ZFHX3: variants seen among roughly 807,000 people sequenced by gnomAD.
The protein encoded by ZFHX3 is zinc finger homeobox protein 3.
A neutral mutation model predicts 279.1 loss-of-function variants in ZFHX3; 42 were observed. That is an observed-to-expected ratio of 0.15 (90% confidence interval 0.12 to 0.19). The LOEUF (loss-of-function observed/expected upper bound fraction) is 0.19. ZFHX3 is among the 10% of genes least tolerant of loss of function. ZFHX3 has a pLI of 1.00. For missense variants in ZFHX3, 4,981 were observed against 4,754.0 expected (o/e 1.05, Z -1.40); for synonymous variants, 2,293 against 1,957.8 (o/e 1.17, Z -4.52).
chr16:73,767,252 A>T (rs1479453465), intron 1 of ZFHX3, among the ~76,000 whole-genome samples: 4 of 152,064 alleles, frequency 2.6e-5, no homozygotes, highest in Admixed American at 1.3e-4. Flanking sequence ...CACTACTTTT[A>T]ATGGCAGAAA....
intron 3 of ZFHX3, among the ~76,000 whole-genome samples, chr16:73,383,913 G>C (rs545732845): frequency 6.6e-6 from 1 of 152,332 alleles, no homozygotes; most frequent in East Asian, 1.9e-4. Flanking sequence ...CTTCCAAAGA[G>C]TATCTGCCAT....
chr16:73,672,056 A>T (rs1184737474), intron 2 of ZFHX3, among the ~76,000 whole-genome samples: 1 of 152,102 alleles, frequency 6.6e-6, no homozygotes, highest in Non-Finnish European at 1.5e-5. Flanking sequence ...AAAAAAATAC[A>T]TAAAAGGAAA....
chr16:73,612,984 C>A (rs2052262810), intron 2 of ZFHX3, among the ~76,000 whole-genome samples: 1 of 151,920 alleles, frequency 6.6e-6, no homozygotes, highest in South Asian at 2.1e-4. Context: ...ATTATTCATT[C>A]TGAGAGAAAA....
intron 1 of ZFHX3, among the ~76,000 whole-genome samples, chr16:72,960,511 T>C (rs941236610): frequency 1.3e-5 from 2 of 152,142 alleles, no homozygotes; most frequent in African/African-American, 4.8e-5. Context: ...TTTGCCAGCA[T>C]AGCTTCGATG....
At chr16:73,634,322 T>C (rs1237206367) in intron 2 of ZFHX3, among the ~76,000 whole-genome samples, 1 of 151,592 alleles carries the variant, frequency 6.6e-6, no homozygotes, top group Non-Finnish European at 1.5e-5. Flanking sequence ...TATAAGTCGA[T>C]GTGACTTATA....
At chr16:73,372,073 T>G (rs1004472116) in intron 3 of ZFHX3, among the ~76,000 whole-genome samples, 4 of 152,236 alleles carry the variant, frequency 2.6e-5, no homozygotes, top group Admixed American at 2.6e-4. Flanking sequence ...TAAAAGTCTA[T>G]GTACACAATG....
At chr16:73,122,565 T>C (rs1966513154) in intron 7 of ZFHX3, among the ~76,000 whole-genome samples, 1 of 152,076 alleles carries the variant, frequency 6.6e-6, no homozygotes, top group South Asian at 2.1e-4. Flanking sequence ...GGTCAAGTCT[T>C]TTGGCTGTGT....
Position 73,464,624 on chromosome 16 carries a change from C to T in ZFHX3, c.-1546-8366G>A, listed in dbSNP as rs561392344. Reference sequence around the variant, plus strand: ...GGGGGGGAGAGGGGAAAACACAACACGAGCATGTGTTTCTTTTAGAGGAGA... The same window carrying T: ...GGGGGGGAGAGGGGAAAACACAACATGAGCATGTGTTTCTTTTAGAGGAGA... On this transcript the variant is annotated intron_variant, in intron 2 of 17. Coordinates refer to the ZFHX3 transcript ENST00000641206. Among the ~76,000 whole-genome samples, 5 of 151,768 alleles carry T rather than the reference C, an allele frequency of 3.3e-5. No homozygotes were observed. In the South Asian group the frequency reaches 1.0e-3, roughly 32 times the overall value.
At position 72,793,899 on chromosome 16, in the gene ZFHX3, G is replaced by C. The variant is rs751082018; in HGVS notation, c.8783C>G (p.Pro2928Arg). The C allele has an allele frequency of 6.2e-6, 10 of 1,614,222 alleles. No homozygotes were observed. The highest frequency in any genetic ancestry group is 7.6e-6 in the Non-Finnish European group (9 of 1,180,038). The change falls in exon 9 of 10, where the codon CCT (proline) becomes CGT (arginine). Residue 2928 changes from proline (P) to arginine (R), a missense_variant. Pro to Arg is a moderately radical substitution (Grantham distance 103). Around this residue, in one of 7 missense-constraint regions of ZFHX3, gnomAD observed 168 missense variants for 249.1 expected, o/e 0.67. Transcript: ENST00000268489. This position sits in a 1 kb window ranked among gnomAD's most constrained non-coding sequence, Gnocchi z 4.3. The part of the protein sequence containing the change: ...SSLADPCSPS[P>R]GASGSAGKSG... ...TTTGCCTGCAGATCCACTCGCACCA[G>C]GACTCGGGGAGCAGGGATCTGCAAG...
rs532887714 is a variant in ZFHX3, at chr16:73,454,313, T to A, written c.-1291+1690A>T. On this transcript the variant is annotated intron_variant, in intron 3 of 17. Coordinates refer to the ZFHX3 transcript ENST00000641206. Reference sequence around the variant, plus strand: ...AGAGAAAATCCAGACAGAACCATGTTCCACCCGGATCTCTTTTACAGATGA... The same window carrying A: ...AGAGAAAATCCAGACAGAACCATGTACCACCCGGATCTCTTTTACAGATGA... Among the ~76,000 whole-genome samples, 33 of 152,284 alleles carry A rather than the reference T, an allele frequency of 2.2e-4. No homozygotes were observed. In the South Asian group the frequency reaches 6.6e-3, roughly 31 times the overall value.
intron 4 of ZFHX3, among the ~76,000 whole-genome samples, chr16:72,854,395 A>T (rs2037696932): frequency 6.6e-6 from 1 of 152,138 alleles, no homozygotes; most frequent in African/African-American, 2.4e-5. Context: ...GCAAATCTGG[A>T]AGAGGAGATA....
chr16:73,871,342 C>T (rs1018634007), intron 1 of ZFHX3, among the ~76,000 whole-genome samples: 2 of 152,158 alleles, frequency 1.3e-5, no homozygotes, highest in South Asian at 2.1e-4. Flanking sequence ...ACCGCCTGTC[C>T]GCAAGAAAAC....
At chr16:73,804,427 G>T (rs998716454) in intron 1 of ZFHX3, among the ~76,000 whole-genome samples, 1 of 152,164 alleles carries the variant, frequency 6.6e-6, no homozygotes, top group East Asian at 1.9e-4. Flanking sequence ...TCTCACATAG[G>T]TGATACCCAG....
intron 4 of ZFHX3, among the ~76,000 whole-genome samples, chr16:72,847,090 A>G (rs2143817120): frequency 6.6e-6 from 1 of 152,352 alleles, no homozygotes; most frequent in Admixed American, 6.5e-5. Flanking sequence ...ACTGTTCTGC[A>G]TGTCCCTTCT....
In ZFHX3 at chr16:72,787,464, G is replaced by T. The variant is rs1224313765; in HGVS notation, c.10812C>A (p.Ala3604=). ...AGGCGTGGGGGGAAGCGGAGGAGGG[G>T]GCGGCGGCCGACGGGGGAGGGGGGC... ...NDSPPPPSAA[A]PSSASPHASR... is the part of the protein sequence containing the mutation. Residue 3604 remains alanine (A), a synonymous_variant, in exon 10 of 10, where the codon GCC becomes GCA. Coordinates refer to ENST00000268489, the MANE Select transcript of ZFHX3 (RefSeq NM_006885.4). The T allele has an allele frequency of 6.2e-7, 1 of 1,606,574 alleles. No individual in the cohort carries two copies. Among genetic ancestry groups the T allele is most frequent in the African/African-American group, 1.3e-5 (1 of 74,644 alleles).
chr16:73,060,720 A>G (rs1361652150), upstream of ZFHX3: 1 of 152,238 alleles, frequency 6.6e-6, no homozygotes, highest in Admixed American at 6.5e-5. Context: ...AACAACATTT[A>G]TGTTTTTGAA....
chr16:73,598,933 T>C (rs1731920829), intron 2 of ZFHX3, among the ~76,000 whole-genome samples: 1 of 151,930 alleles, frequency 6.6e-6, no homozygotes, highest in Non-Finnish European at 1.5e-5. Flanking sequence ...TGGCTAATTT[T>C]TGTATTTTTA....
chr16:72,844,664 A>G (rs1305853333), intron 4 of ZFHX3, among the ~76,000 whole-genome samples: 1 of 152,166 alleles, frequency 6.6e-6, no homozygotes, highest in Non-Finnish European at 1.5e-5. Flanking sequence ...CCCCGTTCTT[A>G]GAAAATGCAC....
chr16:73,071,126 T>TAA (rs60071630), intron 8 of ZFHX3, among the ~76,000 whole-genome samples: 19 of 120,970 alleles, frequency 1.6e-4, no homozygotes, highest in Middle Eastern at 4.0e-3. Flanking sequence ...ATTTCTAAAT[T>TAA]AAAAAAAAAA....
Sources: gnomAD v4.1 joint callset for allele counts (sites outside exome capture counted in the v4.1 genomes callset) on GRCh38, gnomAD v4.1.1 for gene constraint, gnomAD v4.1.1 regional missense constraint, Gnocchi (gnomAD v3.1) non-coding constraint, MANE v1.5 for transcripts, NCBI Gene and HGNC (gene_info 2026-07-23, HGNC 2026-07-21) for gene names.